Variants in GGA3 observed in about 807,000 individuals in gnomAD.
The protein encoded by GGA3 is golgi associated, gamma adaptin ear containing, ARF binding protein 3, also known as ADP-ribosylation factor-binding protein GGA3.
GGA3 carries 57 observed loss-of-function variants against 77.5 expected under a neutral mutation model. The observed-to-expected ratio is 0.74, with a 90% CI of 0.59 to 0.92. The LOEUF (loss-of-function observed/expected upper bound fraction) is 0.92. GGA3 is among the 40% of genes least tolerant of loss of function. The pLI, the probability that GGA3 is intolerant of heterozygous loss-of-function variation, is 0.00. For missense variants in GGA3, 970 were observed against 914.9 expected, an observed-to-expected ratio of 1.06 and a Z score of -0.78; for synonymous variants, 416 against 383.7, an observed-to-expected ratio of 1.08 and a Z score of -0.98.
rs749186649 is a variant in GGA3, at chr17:75,242,852, G to A, written c.588C>T (p.Leu196=). The stretch of plus-strand genomic sequence containing the variant: ...TCACTTCCTTCACCATGGACTTGAT[G>A]AGCTTGTTGGCCTCCTGCAGGTCAT... ...NPDDLQEANK[L]IKSMVKEDEA... Residue 196 remains leucine (L), a synonymous_variant, in exon 7 of 17, where the codon CTC becomes CTT. Transcript: ENST00000537686. The A allele has an allele frequency of 1.2e-5, 19 of 1,613,810 alleles. No individual in the cohort carries two copies. In the African/African-American group the frequency reaches 2.3e-4, roughly 19 times the overall value.
rs772900672 is a variant in GGA3 at position 75,238,324 on chromosome 17, G to A, written c.2127C>T (p.Gly709=). 13 of 1,613,584 alleles carry A rather than the reference G, an allele frequency of 8.1e-6. No homozygotes were observed. Among genetic ancestry groups the A allele is most frequent in the East Asian group, 6.7e-5 (3 of 44,878 alleles). ...ALGEQLSTEV[G]EVDQFPPVEQ... ...CCACAGGAGGGAACTGGTCCACCTC[G>A]CCCACCTCTGTGCTCAGCTGCTCCC... Residue 709 remains glycine, a synonymous_variant, in exon 17 of 17, where the codon GGC becomes GGT. Transcript: ENST00000537686.
chr17:75,259,547 TG>T (rs1309968201), intron 1 of GGA3, among the ~76,000 whole-genome samples: 1 of 151,964 alleles, frequency 6.6e-6, no homozygotes, highest in African/African-American at 2.4e-5. Context: ...GAAAAAGGCC[TG>T]GAACAACCAA....
chr17:75,262,008 G>T (rs749361233), upstream of GGA3: 72 of 1,600,882 alleles, frequency 4.5e-5, no homozygotes, highest in Middle Eastern at 3.3e-4. Context: ...AGCAGCGGCG[G>T]GGGGGCGCTG....
intron 1 of GGA3, among the ~76,000 whole-genome samples, chr17:75,252,227 G>A (rs1431968688): frequency 2.0e-5 from 3 of 151,776 alleles, no homozygotes; most frequent in African/African-American, 4.8e-5. Flanking sequence ...ACCCACAGGC[G>A]TGTGCTTGTT....
At chr17:75,241,974 T>A (rs1294843197) in intron 8 of GGA3, 3 of 550,640 alleles carry the variant, frequency 5.4e-6, no homozygotes, top group Non-Finnish European at 9.8e-6. Flanking sequence ...ACTCAAAATA[T>A]CCACCCAACC....
chr17:75,240,893 A>G lies in GGA3; in HGVS notation c.1111T>C (p.Ser371Pro), dbSNP rs758774786. 3.2e-5 allele frequency: 52 copies of G among 1,613,496 alleles called. No homozygotes were observed. Among genetic ancestry groups the G allele is most frequent in the Non-Finnish European group, 4.2e-5 (50 of 1,179,846 alleles). The change falls in exon 11 of 17, where the codon TCT (serine) becomes CCT (proline). Residue 371 changes from serine (S) to proline (P), a missense_variant. Physicochemically the swap from Ser to Pro is moderately conservative, Grantham distance 74. Coordinates refer to ENST00000537686, the MANE Select transcript of GGA3 (RefSeq NM_138619.4). ...CCCAGGGTGGCCTCGGCCTGGCTAG[A>G]GGAGCGGCTCCGTGGAGGTCCTGAG... The part of the protein sequence containing the change: ...QASGPPRSRS[S>P]SQAEATLGPS...
intron 1 of GGA3, chr17:75,248,793 AAC>A: frequency 1.3e-6 from 1 of 778,104 alleles, no homozygotes; most frequent in Non-Finnish European, 1.4e-6. Context: ...CTAAAAAAAA[AAC>A]AAAAACAAAA....
At chr17:75,255,425 C>G (rs556612581) in intron 1 of GGA3, among the ~76,000 whole-genome samples, 1 of 152,256 alleles carries the variant, frequency 6.6e-6, no homozygotes, top group Admixed American at 6.5e-5. Flanking sequence ...CCAAAGCCTC[C>G]TTTGCGTCCT....
chr17:75,242,985 G>A (rs529674605), intron 6 of GGA3, 74 bp from the exon 7 acceptor site: 11 of 1,474,412 alleles, frequency 7.5e-6, no homozygotes, highest in East Asian at 6.8e-5. Flanking sequence ...GAGGCTCCCC[G>A]CAGCACAGTG....
chr17:75,238,781 C>T lies in GGA3; in HGVS notation c.1951-19G>A, dbSNP rs371173568. 61 of 1,601,276 alleles carry T rather than the reference C, an allele frequency of 3.8e-5. No homozygotes were observed. Among genetic ancestry groups the T allele is most frequent in the South Asian group, 2.3e-4 (21 of 90,318 alleles). On this transcript the variant is annotated intron_variant, in intron 15 of 16. Coordinates refer to ENST00000537686, the MANE Select transcript of GGA3 (RefSeq NM_138619.4). The stretch of plus-strand genomic sequence containing the variant: ...TCATTGACTAAAGAGAGAGAAACTC[C>T]TTTGAAGAGAACTGGTAGGTGCCCC...
intron 12 of GGA3, 46 bp from the exon 13 acceptor site, chr17:75,240,154 G>GGGTTGGC: frequency 2.1e-6 from 1 of 465,526 alleles, no homozygotes. Context: ...GGTGGGGAGG[G>GGGTTGGC]CCTGCCGCTG....
chr17:75,250,514 G>C (rs1286594501), intron 1 of GGA3, among the ~76,000 whole-genome samples: 1 of 152,208 alleles, frequency 6.6e-6, no homozygotes, highest in Admixed American at 6.5e-5. Flanking sequence ...CGTAATCTCA[G>C]CACTTTGGGA....
At chr17:75,262,282 C>T (rs750088269), upstream of GGA3, 8 of 656,668 alleles carry the variant, frequency 1.2e-5, no homozygotes, top group Non-Finnish European at 1.8e-5. Flanking sequence ...CCATCCTTAC[C>T]GTTAGCACTT....
upstream of GGA3, chr17:75,262,061 G>A: frequency 6.6e-7 from 1 of 1,518,584 alleles, no homozygotes; most frequent in Non-Finnish European, 9.0e-7. Flanking sequence ...TGGGCCCCTA[G>A]AGAGAGCATT....
rs757421133 is a variant in GGA3 at position 75,238,282 on chromosome 17, T to C, written c.2169A>G (p.Leu723=). ...GAGATCACAGCGTCCTCTGGGGTCA[T>C]AGGTTCCCCCACTGTTCCACAGGAG... is the stretch of plus-strand genomic sequence containing the variant. ...QFPPVEQWGN[L] Residue 723 remains leucine (L), a synonymous_variant, in exon 17 of 17, where the codon CTA becomes CTG. Transcript: ENST00000537686. The C allele has an allele frequency of 2.4e-5, 39 of 1,612,832 alleles. No individual in the cohort carries two copies. The highest frequency in any genetic ancestry group is 8.0e-5 in the African/African-American group (6 of 74,874).
At chr17:75,260,795 T>G (rs2077333522) in intron 1 of GGA3, among the ~76,000 whole-genome samples, 1 of 152,166 alleles carries the variant, frequency 6.6e-6, no homozygotes, top group Non-Finnish European at 1.5e-5. Flanking sequence ...CGTAGCACTG[T>G]AATTCACAGT....
rs202026131 is a variant in GGA3 at position 75,241,002 on chromosome 17, C to T, written c.1002G>A (p.Thr334=). The change falls in exon 11 of 17, where the codon ACG becomes ACA. Residue 334 remains threonine, a synonymous_variant. Coordinates refer to ENST00000537686, the MANE Select transcript of GGA3 (RefSeq NM_138619.4). ...CCAACACGGAGGACAAACTGTTGGT[C>T]GTGTCCAGCTCCGCAAGGTCGATGA... ...GTLIDLAELD[T]TNSLSSVLAP... The T allele has an allele frequency of 2.2e-5, 35 of 1,614,020 alleles. No individual in the cohort carries two copies. The highest frequency in any genetic ancestry group is 1.1e-4 in the African/African-American group (8 of 75,008).
intron 1 of GGA3, among the ~76,000 whole-genome samples, chr17:75,252,433 C>T (rs1384934948): frequency 6.6e-6 from 1 of 152,126 alleles, no homozygotes; most frequent in African/African-American, 2.4e-5. Context: ...TCCAAAAGTC[C>T]CCTATTCCCC....
rs113816610 is a variant in GGA3 at position 75,242,757 on chromosome 17, C to G, written c.609+74G>C. The G allele has an allele frequency of 1.3e-5, 17 of 1,278,410 alleles. No individual in the cohort carries two copies. The African/African-American group carries it at 2.3e-4, about 18-fold the overall frequency. The allele number at this position is 1,278,410 out of a possible 1,614,324, so 79.2% of individuals were successfully genotyped here. A position where few individuals can be genotyped will look rare whatever the true frequency, so the allele number is the denominator to read the frequency against. ...AGGGGAGAACAAAACAGGCCCGTGT[C>G]CGGGGCAAAGCGGCTTCTGCTGTGT... On this transcript the variant is annotated intron_variant, in intron 7 of 16. Coordinates refer to ENST00000537686, the MANE Select transcript of GGA3 (RefSeq NM_138619.4).
Sources: gnomAD v4.1 joint callset for allele counts (sites outside exome capture counted in the v4.1 genomes callset) on GRCh38, gnomAD v4.1.1 for gene constraint, MANE v1.5 for transcripts, NCBI Gene and HGNC (gene_info 2026-07-23, HGNC 2026-07-21) for gene names.